The following ENPP2 variants were observed in gnomAD, a reference collection of about 807,000 sequenced individuals.
ENPP2 encodes the protein ectonucleotide pyrophosphatase/phosphodiesterase 2.
Under a neutral mutation model 120.2 loss-of-function variants are expected in ENPP2, and 51 were observed. That is an observed-to-expected ratio of 0.42 (90% CI 0.34 to 0.54). The LOEUF (loss-of-function observed/expected upper bound fraction) is 0.54. ENPP2 is among the 20% of genes least tolerant of loss of function. ENPP2 has a pLI of 0.04. For missense variants in ENPP2, 920 were observed against 1,066.5 expected, an observed-to-expected ratio of 0.86 and a Z score of 1.91; for synonymous variants, 365 against 366.4, an observed-to-expected ratio of 1.00 and a Z score of 0.04.
intron 18 of ENPP2, among the ~76,000 whole-genome samples, chr8:119,581,867 T>C (rs1480081073): frequency 1.3e-5 from 2 of 150,140 alleles, no homozygotes; most frequent in African/African-American, 4.9e-5. Context: ...TTCTCCCACC[T>C]CAGCCTCCCA....
chr8:119,612,815 G>A (rs184603020), intron 8 of ENPP2, among the ~76,000 whole-genome samples: 15 of 152,252 alleles, frequency 9.9e-5, no homozygotes, highest in Admixed American at 3.9e-4. Flanking sequence ...GCTTGAGCCC[G>A]AGAGGCTGAG....
intron 2 of ENPP2, among the ~76,000 whole-genome samples, chr8:119,632,899 A>G (rs1488189655): frequency 1.4e-4 from 22 of 152,190 alleles, no homozygotes; most frequent in Admixed American, 1.4e-3. Flanking sequence ...GAGAAAACCC[A>G]TCTTTACTAA....
At chr8:119,600,006 C>CAAAA (rs58150510) in intron 11 of ENPP2, among the ~76,000 whole-genome samples, 2 of 68,990 alleles carry the variant, frequency 2.9e-5, no homozygotes, top group Non-Finnish European at 3.2e-5. Context: ...GACTCTGTCT[C>CAAAA]AAAAAAAAAA....
chr8:119,601,546 G>C, intron 9 of ENPP2, 84 bp from the exon 10 acceptor site: 1 of 914,424 alleles, frequency 1.1e-6, no homozygotes, highest in Non-Finnish European at 1.8e-6. Context: ...CTTGCACCCA[G>C]GCCAAATGCT....
rs189502007 is a variant in ENPP2, at chr8:119,620,257, T to A, written c.419-953A>T. 8.5e-3 allele frequency among the ~76,000 whole-genome samples: 1,296 copies of A among 152,202 alleles called. 15 individuals carry two copies. The highest frequency in any genetic ancestry group is 0.027 in the African/African-American group (1,125 of 41,544). Reference sequence around the variant, plus strand: ...CAATGATTCCAAGGGCTTCTTTTTTTAAAAAAAATTTTATTTCTAACAGCC... The same window carrying A: ...CAATGATTCCAAGGGCTTCTTTTTTAAAAAAAAATTTTATTTCTAACAGCC... On this transcript the variant is annotated intron_variant, in intron 4 of 24. Transcript: ENST00000075322.
chr8:119,629,854 G>A (rs1448892906), intron 2 of ENPP2, among the ~76,000 whole-genome samples: 1 of 151,918 alleles, frequency 6.6e-6, no homozygotes, highest in African/African-American at 2.4e-5. Context: ...TAAATATAAG[G>A]AAAGTACTTA....
In ENPP2 at chr8:119,557,334, A is replaced by C. The variant is rs1276105869; in HGVS notation, c.*187T>G. ...GCAGTATTTATTACAAGCTCTACTC[A>C]GAACACAAGGCTACCTAAATCAAGC... is the stretch of plus-strand genomic sequence containing the variant. On this transcript the variant is annotated 3_prime_UTR_variant, in exon 25 of 25. Coordinates refer to ENST00000075322, the MANE Select transcript of ENPP2 (RefSeq NM_001040092.3). 1 of 555,626 alleles carries C rather than the reference A, an allele frequency of 1.8e-6. No homozygotes were observed. Among genetic ancestry groups the C allele is most frequent in the Non-Finnish European group, 3.1e-6 (1 of 317,694 alleles). 34.4% of individuals were successfully genotyped at this position (555,626 alleles called of 1,614,324 possible). A position where few individuals can be genotyped will look rare whatever the true frequency, so the allele number is the denominator to read the frequency against.
At chr8:119,598,873 C>A (rs911331785) in intron 11 of ENPP2, among the ~76,000 whole-genome samples, 20 of 152,108 alleles carry the variant, frequency 1.3e-4, no homozygotes, top group Admixed American at 7.9e-4. Context: ...AGCAGCCAAG[C>A]GAAAGTACCG....
intron 1 of ENPP2, among the ~76,000 whole-genome samples, chr8:119,646,733 T>C (rs1158915229): frequency 6.6e-6 from 1 of 152,210 alleles, no homozygotes; most frequent in Non-Finnish European, 1.5e-5. Context: ...CAGCATAGAA[T>C]AGTGTTCATA....
intron 1 of ENPP2, among the ~76,000 whole-genome samples, chr8:119,659,672 C>CCA (rs1817867104): frequency 6.6e-6 from 1 of 152,212 alleles, no homozygotes; most frequent in African/African-American, 2.4e-5. Flanking sequence ...GCTTAACACA[C>CCA]CACACACAGA....
At chr8:119,606,388 AG>A (rs1324779167) in intron 9 of ENPP2, among the ~76,000 whole-genome samples, 3 of 152,136 alleles carry the variant, frequency 2.0e-5, no homozygotes, top group Non-Finnish European at 4.4e-5. Flanking sequence ...AGGGGGGCAA[AG>A]GTGGGGACTC....
chr8:119,652,051 G>T (rs2117217), intron 1 of ENPP2, among the ~76,000 whole-genome samples: 11,274 of 152,204 alleles, frequency 0.074, 599 homozygotes, highest in Middle Eastern at 0.18. Context: ...CATAAACTGG[G>T]TGGCTTATAT....
intron 2 of ENPP2, among the ~76,000 whole-genome samples, chr8:119,627,486 G>A (rs1816358567): frequency 6.6e-6 from 1 of 151,880 alleles, no homozygotes; most frequent in Admixed American, 6.6e-5. Flanking sequence ...AAATAGCTAG[G>A]TATTTTATTT....
At chr8:119,608,792 T>C (rs1349222741) in intron 8 of ENPP2, among the ~76,000 whole-genome samples, 1 of 152,244 alleles carries the variant, frequency 6.6e-6, no homozygotes. Flanking sequence ...ATTCTAAGCT[T>C]TAATGAGTTA....
intron 2 of ENPP2, among the ~76,000 whole-genome samples, chr8:119,630,747 G>A (rs1280038678): frequency 6.6e-6 from 1 of 152,076 alleles, no homozygotes; most frequent in African/African-American, 2.4e-5. Flanking sequence ...GGGTGGATTA[G>A]GATATACCTA....
chr8:119,625,264 G>C (rs1816190401), intron 3 of ENPP2, among the ~76,000 whole-genome samples: 1 of 152,166 alleles, frequency 6.6e-6, no homozygotes, highest in African/African-American at 2.4e-5. Context: ...GTTTACAATA[G>C]TCTCAGCAAT....
intron 5 of ENPP2, chr8:119,618,237 T>G: frequency 2.1e-6 from 1 of 480,464 alleles, no homozygotes; most frequent in East Asian, 6.2e-5. Flanking sequence ...AAGATCATTT[T>G]TGTTCCGGGG....
chr8:119,613,744 A>T (rs1230573095), intron 8 of ENPP2, among the ~76,000 whole-genome samples: 1 of 152,060 alleles, frequency 6.6e-6, no homozygotes, highest in Non-Finnish European at 1.5e-5. Flanking sequence ...CTTTTTATTT[A>T]TAACTGACAT....
intron 1 of ENPP2, among the ~76,000 whole-genome samples, chr8:119,671,473 A>G (rs1818246873): frequency 6.6e-6 from 1 of 152,194 alleles, no homozygotes; most frequent in African/African-American, 2.4e-5. Flanking sequence ...AGGTATGTGT[A>G]TGAATTATAC....
Sources: allele counts gnomAD v4.1 joint callset (sites outside exome capture counted in the v4.1 genomes callset), GRCh38; gene constraint gnomAD v4.1.1; transcripts MANE v1.5; gene names NCBI Gene and HGNC (gene_info 2026-07-23, HGNC 2026-07-21).